METTL15: variants seen among roughly 807,000 people sequenced by gnomAD.
The protein encoded by METTL15 is methyltransferase 15, mitochondrial 12S rRNA N4-cytidine.
In METTL15, 34 loss-of-function variants were observed where a neutral mutation model predicts 38.3. That is an observed-to-expected ratio of 0.89 (90% CI 0.68 to 1.18). METTL15 has a LOEUF of 1.18. Among genes scored for constraint, METTL15 ranks in the 50% most tolerant of loss-of-function variants. The pLI is 0.00. For synonymous variants in METTL15, 162 were observed against 170.9 expected, an observed-to-expected ratio of 0.95 and a Z score of 0.41; for missense variants, 438 against 498.4, an observed-to-expected ratio of 0.88 and a Z score of 1.15.
At chr11:28,385,257 C>T (rs1418174316) in intron 5 of METTL15, among the ~76,000 whole-genome samples, 1 of 152,024 alleles carries the variant, frequency 6.6e-6, no homozygotes, top group Non-Finnish European at 1.5e-5. Flanking sequence ...GATTGTCTTC[C>T]AGGGTTGTAT....
intron 4 of METTL15, among the ~76,000 whole-genome samples, chr11:28,230,775 A>G (rs2133881987): frequency 6.6e-6 from 1 of 151,988 alleles, no homozygotes; most frequent in South Asian, 2.1e-4. Flanking sequence ...CAGCTGCTGG[A>G]TTGGATTATC....
At chr11:28,412,591 T>C (rs1850737815) in intron 5 of METTL15, among the ~76,000 whole-genome samples, 1 of 151,992 alleles carries the variant, frequency 6.6e-6, no homozygotes, top group Non-Finnish European at 1.5e-5. Flanking sequence ...TGCCACAATA[T>C]GGCTGGAACT....
intron 3 of METTL15, among the ~76,000 whole-genome samples, chr11:28,117,313 G>C (rs1261709570): frequency 7.1e-6 from 1 of 140,914 alleles, no homozygotes; most frequent in Non-Finnish European, 1.5e-5. Context: ...AAGGATAGGG[G>C]CAGTTAGTAA....
chr11:28,353,644 G>T (rs1003642389), intron 4 of METTL15, among the ~76,000 whole-genome samples: 3 of 152,158 alleles, frequency 2.0e-5, no homozygotes, highest in African/African-American at 7.2e-5. Flanking sequence ...ATAAGATGTC[G>T]GCCGGGCGCG....
At chr11:28,170,273 T>C (rs144612254) in intron 3 of METTL15, among the ~76,000 whole-genome samples, 23 of 152,240 alleles carry the variant, frequency 1.5e-4, no homozygotes, top group African/African-American at 2.4e-4. Flanking sequence ...CCTGGTAACC[T>C]AGCACCTAGG....
intron 3 of METTL15, among the ~76,000 whole-genome samples, chr11:28,188,281 A>G (rs2133797371): frequency 6.6e-6 from 1 of 151,468 alleles, no homozygotes; most frequent in Middle Eastern, 3.4e-3. Context: ...TCAAACAGAT[A>G]TTTTAATACT....
intron 5 of METTL15, among the ~76,000 whole-genome samples, chr11:28,420,020 A>T (rs912379899): frequency 6.6e-6 from 1 of 152,162 alleles, no homozygotes; most frequent in African/African-American, 2.4e-5. Flanking sequence ...CGTCTACAAG[A>T]TCTAGAAAAT....
At chr11:28,189,290 G>T (rs538970583) in intron 3 of METTL15, among the ~76,000 whole-genome samples, 2 of 151,294 alleles carry the variant, frequency 1.3e-5, no homozygotes, top group South Asian at 2.1e-4. Flanking sequence ...TGAGATTTTT[G>T]TGTGTTGAAT....
At chr11:28,301,396 A>T (rs140173714) in intron 6 of METTL15, among the ~76,000 whole-genome samples, 1 of 152,200 alleles carries the variant, frequency 6.6e-6, no homozygotes, top group Non-Finnish European at 1.5e-5. Context: ...ATGGTCTCCT[A>T]TGTGCTACCA....
chr11:28,124,812 A>G (rs1310409666), intron 3 of METTL15, among the ~76,000 whole-genome samples: 1 of 152,064 alleles, frequency 6.6e-6, no homozygotes, highest in Non-Finnish European at 1.5e-5. Context: ...AATTGACCTC[A>G]GTTTTATACC....
intron 3 of METTL15, among the ~76,000 whole-genome samples, chr11:28,350,753 ACTGT>A (rs1015844659): frequency 3.3e-5 from 5 of 152,348 alleles, no homozygotes; most frequent in East Asian, 3.9e-4. Context: ...GTATTCACTG[ACTGT>A]CTGAGCACTA....
chr11:28,180,943 G>A (rs779666036), intron 3 of METTL15, among the ~76,000 whole-genome samples: 8 of 151,704 alleles, frequency 5.3e-5, no homozygotes, highest in African/African-American at 9.7e-5. Context: ...GTACATGCAC[G>A]TTAAATCTTT....
intron 4 of METTL15, among the ~76,000 whole-genome samples, chr11:28,258,004 G>A (rs1165217334): frequency 6.6e-6 from 1 of 152,126 alleles, no homozygotes; most frequent in Admixed American, 6.5e-5. Context: ...CATAGTCTGG[G>A]CTTGTTTGTA....
intron 6 of METTL15, among the ~76,000 whole-genome samples, chr11:28,317,027 A>G (rs1326272359): frequency 6.6e-6 from 1 of 152,180 alleles, no homozygotes; most frequent in African/African-American, 2.4e-5. Context: ...ATAGTTATGA[A>G]AAATTTCAGT....
chr11:28,159,930 A>G (rs1850396011), intron 3 of METTL15, among the ~76,000 whole-genome samples: 1 of 152,146 alleles, frequency 6.6e-6, no homozygotes, highest in Admixed American at 6.5e-5. Flanking sequence ...ATTGAAGGAT[A>G]CAAAGTATTT....
chr11:28,294,989 A>G (rs1159624621), intron 5 of METTL15, among the ~76,000 whole-genome samples: 3 of 152,116 alleles, frequency 2.0e-5, no homozygotes, highest in Non-Finnish European at 4.4e-5. Context: ...ACTGTATCCC[A>G]TGGATAAATT....
At chr11:28,184,470 C>G (rs1332043881) in intron 3 of METTL15, among the ~76,000 whole-genome samples, 1 of 151,920 alleles carries the variant, frequency 6.6e-6, no homozygotes, top group African/African-American at 2.4e-5. Context: ...TTTTCGTTCT[C>G]ATTGGTTTCA....
At chr11:28,335,994 T>C (rs1209047866), downstream of METTL15, among the ~76,000 whole-genome samples, 2 of 151,912 alleles carry the variant, frequency 1.3e-5, no homozygotes, top group East Asian at 1.9e-4. Context: ...AGTGCTATTA[T>C]TTTGCTGGAA....
intron 3 of METTL15, among the ~76,000 whole-genome samples, chr11:28,138,119 T>A (rs1849575608): frequency 6.6e-6 from 1 of 151,708 alleles, no homozygotes; most frequent in African/African-American, 2.4e-5. Flanking sequence ...ACAAGGGATT[T>A]TTTTTTTTTC....
Sources: allele counts gnomAD v4.1 joint callset (sites outside exome capture counted in the v4.1 genomes callset), GRCh38; gene constraint gnomAD v4.1.1; transcripts MANE v1.5; gene names NCBI Gene and HGNC (gene_info 2026-07-23, HGNC 2026-07-21).